CEP85: variants seen among roughly 807,000 people sequenced by gnomAD.
The protein encoded by CEP85 is centrosomal protein 85.
Under a neutral mutation model 93.7 loss-of-function variants are expected in CEP85, and 58 were observed. The observed-to-expected ratio is 0.62, with a 90% CI of 0.50 to 0.77. The LOEUF (loss-of-function observed/expected upper bound fraction) is 0.77, where lower values mean the gene tolerates loss of function less well. Among genes scored for constraint, CEP85 ranks in the 30% least tolerant of loss-of-function variants. CEP85 has a pLI of 0.00. For synonymous variants in CEP85, 314 were observed against 338.6 expected (o/e 0.93, Z 0.80); for missense variants, 868 against 922.0 (o/e 0.94, Z 0.76).
intron 7 of CEP85, among the ~76,000 whole-genome samples, chr1:26,261,800 G>A (rs2089813744): frequency 1.3e-5 from 2 of 151,148 alleles, no homozygotes; most frequent in East Asian, 1.9e-4. Flanking sequence ...CATATAATAC[G>A]TTGCTCTTCA....
chr1:26,244,306 G>T lies in CEP85; in HGVS notation c.196G>T (p.Asp66Tyr). ...GDTAIGTSCS[D>Y]IAEDFCSSSG... ...CACAGCCATTGGTACATCATGCTCA[G>T]ATATTGCGGAGGGTAAGTTTGTATT... is the stretch of plus-strand genomic sequence containing the variant. The change falls in exon 3 of 14, where the codon GAT (aspartate) becomes TAT (tyrosine). Residue 66 changes from aspartate (D) to tyrosine (Y), a missense_variant. Transcript: ENST00000451429. 6.2e-7 allele frequency: 1 copy of T among 1,613,592 alleles called. No homozygotes were observed. Among genetic ancestry groups the T allele is most frequent in the Non-Finnish European group, 8.5e-7 (1 of 1,179,744 alleles).
intron 12 of CEP85, among the ~76,000 whole-genome samples, chr1:26,276,264 A>G (rs1388811118): frequency 1.3e-5 from 2 of 152,176 alleles, no homozygotes; most frequent in African/African-American, 4.8e-5. Flanking sequence ...TGGTTCTTGA[A>G]CAGAAACTTG....
intron 3 of CEP85, among the ~76,000 whole-genome samples, chr1:26,246,783 A>G (rs2089516065): frequency 6.6e-6 from 1 of 152,126 alleles, no homozygotes; most frequent in African/African-American, 2.4e-5. Flanking sequence ...TCGTTTCTGT[A>G]GTATGTTACT....
At chr1:26,247,422 TA>T (rs1478300516) in intron 3 of CEP85, among the ~76,000 whole-genome samples, 2 of 149,880 alleles carry the variant, frequency 1.3e-5, no homozygotes, top group African/African-American at 4.9e-5. Flanking sequence ...CTGAGAGGAG[TA>T]AATTTAAAAA....
At chr1:26,268,337 A>G (rs941027518) in intron 7 of CEP85, 146 bp from the exon 8 acceptor site, 26 of 773,088 alleles carry the variant, frequency 3.4e-5, no homozygotes, top group South Asian at 3.3e-4. Flanking sequence ...GTGTGCCTGC[A>G]GTCCCAGCTA....
chr1:26,264,782 T>G (rs2089867594), intron 7 of CEP85, among the ~76,000 whole-genome samples: 1 of 152,130 alleles, frequency 6.6e-6, no homozygotes, highest in African/African-American at 2.4e-5. Context: ...GAGATTGGGC[T>G]TAGAGTCCCC....
At chr1:26,253,951 C>T (rs188864303) in intron 3 of CEP85, among the ~76,000 whole-genome samples, 11 of 151,906 alleles carry the variant, frequency 7.2e-5, no homozygotes, top group East Asian at 2.0e-4. Context: ...ACTGTGATCA[C>T]GCCACTGTGC....
intron 3 of CEP85, among the ~76,000 whole-genome samples, chr1:26,247,498 T>C (rs1333140113): frequency 2.0e-5 from 3 of 151,856 alleles, no homozygotes. Context: ...CTCCCAAGGC[T>C]GAGGTGGGAA....
chr1:26,277,162 T>G lies in CEP85; in HGVS notation c.2155T>G (p.Leu719Val), dbSNP rs1434578662. The change falls in exon 14 of 14, where the codon TTG (leucine) becomes GTG (valine). Residue 719 changes from leucine (L) to valine (V), a missense_variant. Physicochemically the swap from Leu to Val is conservative, Grantham distance 32 (BLOSUM62 1). Coordinates refer to ENST00000451429, the MANE Select transcript of CEP85 (RefSeq NM_001319944.2). ...ACAGCACCCAGAGACTCAGCTAGATTTGCAGAAGCCAGATGTGATCAAGAG... is the reference window on the plus strand; with the variant it reads ...ACAGCACCCAGAGACTCAGCTAGATGTGCAGAAGCCAGATGTGATCAAGAG... Reference protein sequence around the residue: ...HSQHPETQLDLQKPDVIKRKL... With the variant: ...HSQHPETQLDVQKPDVIKRKL... 1 of 1,613,856 alleles carries G rather than the reference T, an allele frequency of 6.2e-7. No homozygotes were observed. Among genetic ancestry groups the G allele is most frequent in the South Asian group, 1.1e-5 (1 of 91,086 alleles).
At chr1:26,276,465 C>A in intron 12 of CEP85, 70 bp from the exon 13 acceptor site, 1 of 1,247,304 alleles carries the variant, frequency 8.0e-7, no homozygotes, top group Non-Finnish European at 1.2e-6. Context: ...TCCACACCCA[C>A]ACACTCATGC....
intron 4 of CEP85, among the ~76,000 whole-genome samples, chr1:26,257,045 C>T (rs1361764512): frequency 6.6e-6 from 1 of 151,876 alleles, no homozygotes; most frequent in Non-Finnish European, 1.5e-5. Context: ...ATTTTCCTGC[C>T]TCAGCCTCCT....
At position 26,276,749 on chromosome 1, in the gene CEP85, TGG is replaced by T. The variant is rs2090058945; in HGVS notation, c.2119_2120del (p.Gly707HisfsTer31). The T allele has an allele frequency of 6.2e-7, 1 of 1,613,406 alleles. No individual in the cohort carries two copies. Among genetic ancestry groups the T allele is most frequent in the Non-Finnish European group, 8.5e-7 (1 of 1,179,604 alleles). Reference sequence around the variant, plus strand: ...CATGACCCCAATCTCTCCCTGCTCCTGGGCATTCACTGTGAGTCCTCAGACCA... The same window carrying T: ...CATGACCCCAATCTCTCCCTGCTCCTGCATTCACTGTGAGTCCTCAGACCA... On this transcript the variant is annotated frameshift_variant, in exon 13 of 14. Coordinates refer to ENST00000451429, the MANE Select transcript of CEP85 (RefSeq NM_001319944.2). LOFTEE classifies it high-confidence loss of function.
At chr1:26,268,737 A>G in intron 8 of CEP85, 102 bp downstream of exon 8, 1 of 1,204,580 alleles carries the variant, frequency 8.3e-7, no homozygotes, top group Non-Finnish European at 1.1e-6. Context: ...ACTTGCTGAA[A>G]GGAGAATCCC....
intron 13 of CEP85, among the ~76,000 whole-genome samples, 163 bp downstream of exon 13, chr1:26,276,923 A>G (rs544365014): frequency 1.4e-4 from 22 of 152,330 alleles, no homozygotes; most frequent in African/African-American, 5.3e-4. Flanking sequence ...GGTGTTCACA[A>G]ATCTGTTTTT....
chr1:26,257,277 A>C (rs1377349117), intron 4 of CEP85, among the ~76,000 whole-genome samples: 1 of 152,118 alleles, frequency 6.6e-6, no homozygotes, highest in Non-Finnish European at 1.5e-5. Flanking sequence ...AGTGGGAAGG[A>C]AGGGAGCAGA....
chr1:26,241,793 G>A (rs1259725990), intron 2 of CEP85, among the ~76,000 whole-genome samples: 1 of 150,564 alleles, frequency 6.6e-6, no homozygotes, highest in Non-Finnish European at 1.5e-5. Flanking sequence ...ACGGAGTCTT[G>A]TTCTGTGGCC....
intron 3 of CEP85, 68 bp from the exon 4 acceptor site, chr1:26,255,103 C>A (rs1468583220): frequency 8.6e-6 from 11 of 1,276,710 alleles, no homozygotes; most frequent in Middle Eastern, 1.9e-4. Flanking sequence ...GAGCTTCTGG[C>A]ATAGCATTCA....
chr1:26,274,277 G>C (rs1348678127), intron 11 of CEP85, among the ~76,000 whole-genome samples: 1 of 152,138 alleles, frequency 6.6e-6, no homozygotes, highest in Non-Finnish European at 1.5e-5. Context: ...TTAGTAGACA[G>C]TATTGTCAAG....
chr1:26,250,941 T>TTTTTTTTTTTTTTTTTTTTTTTTTTTC (rs2089602025), intron 3 of CEP85, among the ~76,000 whole-genome samples: 1 of 111,098 alleles, frequency 9.0e-6, no homozygotes, highest in African/African-American at 3.3e-5. Flanking sequence ...TCTTTTTTTT[T>TTTTTTTTTTTTTTTTTTTTTTTTTTTC]TTTTTTTTTT....
Sources: allele counts gnomAD v4.1 joint callset (sites outside exome capture counted in the v4.1 genomes callset), GRCh38; gene constraint gnomAD v4.1.1; transcripts MANE v1.5; gene names NCBI Gene and HGNC (gene_info 2026-07-23, HGNC 2026-07-21).